TMCO5A: variants seen among roughly 807,000 people sequenced by gnomAD.
TMCO5A encodes the protein transmembrane and coiled-coil domains 5A.
A neutral mutation model predicts 42.3 loss-of-function variants in TMCO5A; 34 were observed. The ratio of observed to expected loss-of-function variants is 0.80; its 90% CI spans 0.61 to 1.07. The LOEUF (loss-of-function observed/expected upper bound fraction) is 1.07, where lower values mean the gene tolerates loss of function less well. Ranked by LOEUF, TMCO5A falls within the 50% of genes least tolerant of loss-of-function variation. The probability of loss-of-function intolerance (pLI) is 0.00; values close to 1 mark genes in which losing one functional copy is unlikely to be tolerated. For synonymous variants in TMCO5A, 131 were observed against 115.6 expected (o/e 1.13, Z -0.86); for missense variants, 357 against 327.9 (o/e 1.09, Z -0.69).
chr15:38,016,934 C>G, the TMCO5A span, among the ~76,000 whole-genome samples: 4 of 151,834 alleles, frequency 2.6e-5, no homozygotes, highest in Non-Finnish European at 5.9e-5. Flanking sequence ...CTATTTAAAC[C>G]TCTAAAGAAC....
downstream of TMCO5A, among the ~76,000 whole-genome samples, chr15:37,953,385 A>G (rs527392909): frequency 6.6e-6 from 1 of 152,110 alleles, no homozygotes; most frequent in Non-Finnish European, 1.5e-5. Context: ...GATGCCATTC[A>G]TTTGGGGGGA....
At chr15:37,989,816 G>A in the TMCO5A span, among the ~76,000 whole-genome samples, 2 of 151,980 alleles carry the variant, frequency 1.3e-5, no homozygotes, top group Non-Finnish European at 2.9e-5. Flanking sequence ...CACAAAAGGT[G>A]GATGAACACG....
At chr15:38,030,597 A>G in the TMCO5A span, among the ~76,000 whole-genome samples, 1 of 152,176 alleles carries the variant, frequency 6.6e-6, no homozygotes, top group Non-Finnish European at 1.5e-5. Context: ...CTGCTCCCCA[A>G]ATAAACTTCA....
At chr15:38,019,743 G>A in the TMCO5A span, among the ~76,000 whole-genome samples, 3 of 151,672 alleles carry the variant, frequency 2.0e-5, no homozygotes, top group African/African-American at 7.3e-5. Flanking sequence ...GAGTAGCTGG[G>A]ACTACAGGCA....
the TMCO5A span, among the ~76,000 whole-genome samples, chr15:37,996,645 C>A: frequency 1.3e-5 from 2 of 152,236 alleles, no homozygotes; most frequent in South Asian, 2.1e-4. Context: ...AAGCAGGAAA[C>A]CTGTCAAAAC....
At chr15:37,990,401 A>G in the TMCO5A span, among the ~76,000 whole-genome samples, 2 of 152,034 alleles carry the variant, frequency 1.3e-5, no homozygotes, top group African/African-American at 4.8e-5. Context: ...TCTGAAGTCA[A>G]TTTTGCCAGA....
intron 7 of TMCO5A, among the ~76,000 whole-genome samples, chr15:37,941,463 C>A (rs537423203): frequency 6.6e-6 from 1 of 152,050 alleles, no homozygotes; most frequent in South Asian, 2.1e-4. Context: ...CCCAACTGCC[C>A]CCAAATTCCA....
intron 1 of TMCO5A, among the ~76,000 whole-genome samples, chr15:37,934,909 G>A (rs1399195574): frequency 1.3e-5 from 2 of 152,194 alleles, no homozygotes; most frequent in East Asian, 1.9e-4. Context: ...GAAAGCAACT[G>A]GCCTAGAGCA....
At chr15:38,016,337 G>A in the TMCO5A span, among the ~76,000 whole-genome samples, 4 of 152,200 alleles carry the variant, frequency 2.6e-5, no homozygotes, top group Admixed American at 1.3e-4. Context: ...AAGAATATTT[G>A]TGCCACTTAT....
chr15:38,013,378 G>A, the TMCO5A span, among the ~76,000 whole-genome samples: 1 of 151,990 alleles, frequency 6.6e-6, no homozygotes, highest in African/African-American at 2.4e-5. Flanking sequence ...TTCCTCTATT[G>A]CCATCTACTA....
the TMCO5A span, among the ~76,000 whole-genome samples, chr15:38,030,088 G>T: frequency 6.6e-6 from 1 of 152,114 alleles, no homozygotes; most frequent in Non-Finnish European, 1.5e-5. Flanking sequence ...CCATGGTAAG[G>T]AGTCTTTTAC....
At chr15:38,026,612 T>C in the TMCO5A span, among the ~76,000 whole-genome samples, 19 of 152,220 alleles carry the variant, frequency 1.2e-4, no homozygotes, top group Admixed American at 9.2e-4. Flanking sequence ...TAAATTTGCA[T>C]AAGCAATGAG....
rs746923176 is a variant in TMCO5A at position 37,936,258 on chromosome 15, T to A, written c.-10-56T>A. On this transcript the variant is annotated intron_variant, in intron 2 of 11. Transcript: ENST00000319669. ...GTTCTAAATACCCTTTTTGGCCTGATGATTATTGATCTTGAGATAACTGGC... is the reference window on the plus strand; with the variant it reads ...GTTCTAAATACCCTTTTTGGCCTGAAGATTATTGATCTTGAGATAACTGGC... 221 of 1,561,162 alleles carry A rather than the reference T, an allele frequency of 1.4e-4. 1 individual carries two copies. Among genetic ancestry groups the A allele is most frequent in the Non-Finnish European group, 1.8e-4 (213 of 1,157,632 alleles).
At chr15:37,942,993 G>A (rs1430350615) in intron 9 of TMCO5A, 1 of 193,990 alleles carries the variant, frequency 5.2e-6, no homozygotes. Context: ...CCTAGGACTT[G>A]TAGGTCCTTG....
chr15:37,980,395 A>C, the TMCO5A span, among the ~76,000 whole-genome samples: 1 of 152,090 alleles, frequency 6.6e-6, no homozygotes, highest in Non-Finnish European at 1.5e-5. Context: ...AGCTCATGTC[A>C]GTCTAGAGGC....
At chr15:37,949,909 A>C (rs1455764209) in intron 11 of TMCO5A, among the ~76,000 whole-genome samples, 1 of 152,148 alleles carries the variant, frequency 6.6e-6, no homozygotes, top group Non-Finnish European at 1.5e-5. Flanking sequence ...CAGTCATTAA[A>C]AGGTTTGGCT....
rs34914391 is a variant in TMCO5A at position 37,951,330 on chromosome 15, G to GT, written c.*102dup. The GT allele has an allele frequency of 2.4e-6, 3 of 1,268,558 alleles. No individual in the cohort carries two copies. The highest frequency in any genetic ancestry group is 4.0e-5 in the Admixed American group (2 of 49,428). 78.6% of individuals were successfully genotyped at this position (1,268,558 alleles called of 1,614,324 possible). A position where few individuals can be genotyped will look rare whatever the true frequency, so the allele number is the denominator to read the frequency against. ...TTGTGGAGGAAAGAGATTTGCTTCA[G>GT]TTTTTTCCTCACCGTTTGCCTGCTT... is the stretch of plus-strand genomic sequence containing the variant. On this transcript the variant is annotated 3_prime_UTR_variant, in exon 12 of 12. Transcript: ENST00000319669.
the TMCO5A span, among the ~76,000 whole-genome samples, chr15:38,036,524 A>T: frequency 6.8e-6 from 1 of 148,076 alleles, no homozygotes; most frequent in Non-Finnish European, 1.5e-5. Context: ...ACACACACAC[A>T]CACTCTACAC....
the TMCO5A span, among the ~76,000 whole-genome samples, chr15:38,037,990 G>T: frequency 6.7e-6 from 1 of 150,152 alleles, no homozygotes; most frequent in South Asian, 2.1e-4. Flanking sequence ...TCCACCCTGG[G>T]CAACAGAGTG....
Sources: gnomAD v4.1 joint callset for allele counts (sites outside exome capture counted in the v4.1 genomes callset) on GRCh38, gnomAD v4.1.1 for gene constraint, MANE v1.5 for transcripts, NCBI Gene and HGNC (gene_info 2026-07-23, HGNC 2026-07-21) for gene names.